VPS54: variants seen among roughly 807,000 people sequenced by gnomAD.
VPS54 encodes the protein VPS54 subunit of GARP complex, also known as vacuolar protein sorting-associated protein 54.
Under a neutral mutation model 121.5 loss-of-function variants are expected in VPS54, and 45 were observed. The ratio of observed to expected loss-of-function variants is 0.37; its 90% CI spans 0.29 to 0.47. The LOEUF is 0.47. Ranked by LOEUF, VPS54 falls within the 20% of genes least tolerant of loss-of-function variation. VPS54 has a pLI of 0.99. For missense variants in VPS54, 1,090 were observed against 1,131.4 expected (o/e 0.96, Z 0.52); for synonymous variants, 371 against 385.8 (o/e 0.96, Z 0.45).
At chr2:63,970,991 C>A (rs970108422) in intron 4 of VPS54, among the ~76,000 whole-genome samples, 1 of 152,174 alleles carries the variant, frequency 6.6e-6, no homozygotes, top group African/African-American at 2.4e-5. Context: ...TTCTTCACTG[C>A]AAATCTGCAA....
Position 63,993,375 on chromosome 2 carries a change from C to T in VPS54, c.-20-9356G>A, listed in dbSNP as rs185737170. Among the ~76,000 whole-genome samples, 77 of 152,268 alleles carry T rather than the reference C, an allele frequency of 5.1e-4. 1 individual carries two copies. In the East Asian group the frequency reaches 0.014, roughly 28 times the overall value. On this transcript the variant is annotated intron_variant, in intron 1 of 22. Coordinates refer to ENST00000272322, the MANE Select transcript of VPS54 (RefSeq NM_016516.3). ...CTGAGGCTTCACTAGAACTGGAATT[C>T]GTAAAGAATTCAGACCATCCAGTTA...
chr2:64,013,652 ATATATATT>A (rs1678545406), intron 1 of VPS54, among the ~76,000 whole-genome samples: 1 of 145,464 alleles, frequency 6.9e-6, no homozygotes, highest in African/African-American at 2.5e-5. Context: ...CAATATATAG[ATATATATT>A]GATATATATA....
intron 3 of VPS54, among the ~76,000 whole-genome samples, chr2:63,981,348 C>T (rs1162900211): frequency 3.9e-5 from 6 of 152,122 alleles, no homozygotes; most frequent in African/African-American, 1.4e-4. Flanking sequence ...CCTCACAAAT[C>T]ATCTGGACTT....
rs369798639 is a variant in VPS54 at position 63,933,670 on chromosome 2, C to T, written c.1739+3G>A. The T allele has an allele frequency of 6.2e-7, 1 of 1,608,110 alleles. No individual in the cohort carries two copies. The highest frequency in any genetic ancestry group is 1.3e-5 in the African/African-American group (1 of 74,972). Reference sequence around the variant, plus strand: ...TCAATTTGGCAGTAGCCACTATACTCACATAATATCCACACCTCCTGGAAT... The same window carrying T: ...TCAATTTGGCAGTAGCCACTATACTTACATAATATCCACACCTCCTGGAAT... On this transcript the variant is annotated splice_donor_region_variant and intron_variant, in intron 12 of 22. Coordinates refer to ENST00000272322, the MANE Select transcript of VPS54 (RefSeq NM_016516.3).
chr2:64,018,534 A>G, intron 1 of VPS54, among the ~76,000 whole-genome samples: 1 of 152,144 alleles, frequency 6.6e-6, no homozygotes, highest in Non-Finnish European at 1.5e-5. Context: ...AAAAACAAAC[A>G]AATGTTTTAA....
At chr2:63,903,762 T>G (rs999961945) in intron 20 of VPS54, among the ~76,000 whole-genome samples, 3 of 151,872 alleles carry the variant, frequency 2.0e-5, no homozygotes, top group African/African-American at 7.3e-5. Context: ...CAAACAGAAA[T>G]ATAGCTAGTA....
intron 3 of VPS54, among the ~76,000 whole-genome samples, chr2:63,978,169 T>G (rs1676635612): frequency 6.6e-6 from 1 of 152,248 alleles, no homozygotes. Flanking sequence ...GGTTTTTTGT[T>G]GTGAGAACGG....
chr2:63,914,355 A>G (rs1166407620), intron 16 of VPS54, 68 bp from the exon 17 acceptor site: 18 of 1,048,904 alleles, frequency 1.7e-5, no homozygotes, highest in Non-Finnish European at 2.6e-5. Context: ...TTGGCATATA[A>G]AAATCAAATT....
intron 15 of VPS54, among the ~76,000 whole-genome samples, chr2:63,917,965 C>A (rs1054050703): frequency 6.6e-6 from 1 of 151,950 alleles, no homozygotes; most frequent in African/African-American, 2.4e-5. Flanking sequence ...ATACTTAGAA[C>A]AAAACAGTGT....
At chr2:63,923,575 G>A (rs1296699384) in intron 12 of VPS54, among the ~76,000 whole-genome samples, 1 of 152,082 alleles carries the variant, frequency 6.6e-6, no homozygotes, top group African/African-American at 2.4e-5. Flanking sequence ...TATACATCTT[G>A]TATGTATATA....
intron 15 of VPS54, among the ~76,000 whole-genome samples, chr2:63,917,501 A>G (rs1453543998): frequency 6.6e-6 from 1 of 152,010 alleles, no homozygotes; most frequent in Admixed American, 6.6e-5. Context: ...TCAGCATGTG[A>G]TATTTCTTTA....
intron 15 of VPS54, among the ~76,000 whole-genome samples, chr2:63,917,390 G>C (rs548051364): frequency 1.3e-5 from 2 of 152,144 alleles, no homozygotes; most frequent in South Asian, 4.1e-4. Flanking sequence ...TAAATTGGTT[G>C]TCTTTACTAT....
rs191820437 is a variant in VPS54 at position 64,018,253 on chromosome 2, A to T, written c.-21+685T>A. Among the ~76,000 whole-genome samples, 858 of 151,922 alleles carry T rather than the reference A, an allele frequency of 5.6e-3. 8 individuals are homozygous for T. Among genetic ancestry groups the T allele is most frequent in the Middle Eastern group, 6.8e-3 (2 of 294 alleles). ...AAATAAAGCTGGTTAGAAGAAAAAA[A>T]TTTTTTTTTGAAACGCCTGTCAGTC... On this transcript the variant is annotated intron_variant, in intron 1 of 22. Coordinates refer to ENST00000272322, the MANE Select transcript of VPS54 (RefSeq NM_016516.3).
At chr2:63,998,257 G>C (rs1276000423) in intron 1 of VPS54, among the ~76,000 whole-genome samples, 1 of 151,996 alleles carries the variant, frequency 6.6e-6, no homozygotes, top group African/African-American at 2.4e-5. Flanking sequence ...ATAACTACTA[G>C]AGAATATCTT....
intron 1 of VPS54, among the ~76,000 whole-genome samples, chr2:64,011,522 T>A (rs1363832168): frequency 6.6e-6 from 1 of 152,060 alleles, no homozygotes; most frequent in Non-Finnish European, 1.5e-5. Context: ...GCCGTGATTA[T>A]ACCACTGCAC....
intron 3 of VPS54, among the ~76,000 whole-genome samples, chr2:63,980,137 T>C (rs958210169): frequency 3.9e-5 from 6 of 152,186 alleles, no homozygotes; most frequent in Admixed American, 3.9e-4. Context: ...AGCATGCTAT[T>C]AGGGGCAAAA....
Position 63,972,209 on chromosome 2 carries a change from A to T in VPS54, c.414T>A (p.Cys138Ter). ...TCCTTTCGAAGGTATCTTTAGGAGG[A>T]CAAATATTCTTGCATCTCTCATGAA... The part of the protein sequence containing the change: ...EKIHERCKNI[C>*]PPKDTFERTL... Residue 138 changes from cysteine (C) to a stop codon, truncating the protein, a stop_gained, in exon 4 of 23, where the codon TGT (cysteine) becomes TGA (stop). Coordinates refer to ENST00000272322, the MANE Select transcript of VPS54 (RefSeq NM_016516.3). LOFTEE classifies it high-confidence loss of function. The T allele has an allele frequency of 6.3e-7, 1 of 1,596,930 alleles. No homozygotes were observed. Among genetic ancestry groups the T allele is most frequent in the Non-Finnish European group, 8.6e-7 (1 of 1,168,290 alleles).
intron 10 of VPS54, 88 bp downstream of exon 10, chr2:63,944,512 C>G: frequency 1.5e-6 from 2 of 1,310,622 alleles, no homozygotes; most frequent in Non-Finnish European, 2.2e-6. Flanking sequence ...TAAATAATTC[C>G]TTAACGAAAT....
At chr2:63,933,595 C>T in intron 12 of VPS54, 78 bp downstream of exon 12, 1 of 1,307,958 alleles carries the variant, frequency 7.6e-7, no homozygotes, top group Non-Finnish European at 1.0e-6. Context: ...TTTCAATAAA[C>T]TGAATAATCA....
Sources: gnomAD v4.1 joint callset for allele counts (sites outside exome capture counted in the v4.1 genomes callset) on GRCh38, gnomAD v4.1.1 for gene constraint, MANE v1.5 for transcripts, NCBI Gene and HGNC (gene_info 2026-07-23, HGNC 2026-07-21) for gene names.